Variants in AK9 observed in about 807,000 individuals in gnomAD.
The protein encoded by AK9 is adenylate kinase domain containing 1.
AK9 carries 191 observed loss-of-function variants against 239.6 expected under a neutral mutation model. The ratio of observed to expected loss-of-function variants is 0.80; its 90% confidence interval spans 0.71 to 0.90. The LOEUF is 0.90. AK9 is among the 40% of genes least tolerant of loss of function. The probability of loss-of-function intolerance (pLI) is 0.00; values close to 1 mark genes in which losing one functional copy is unlikely to be tolerated. For missense variants in AK9, 1,995 were observed against 2,214.7 expected, an observed-to-expected ratio of 0.90 and a Z score of 1.99; for synonymous variants, 689 against 721.0, an observed-to-expected ratio of 0.96 and a Z score of 0.71.
chr6:109,672,336 A>G (rs1771045195), intron 3 of AK9, among the ~76,000 whole-genome samples, 169 bp from the exon 4 acceptor site: 1 of 152,224 alleles, frequency 6.6e-6, no homozygotes, highest in South Asian at 2.1e-4. Context: ...ACCAAAGCAG[A>G]AGCAGCAGAA....
At chr6:109,675,485 G>A (rs1259554891) in intron 2 of AK9, 144 bp downstream of exon 2, 21 of 538,518 alleles carry the variant, frequency 3.9e-5, no homozygotes, top group Admixed American at 3.5e-4. Flanking sequence ...CCAATATTAT[G>A]GCAGATTTTA....
rs772604537 is a variant in AK9 at position 109,659,314 on chromosome 6, C to G, written c.544G>C (p.Glu182Gln). ...TCTTTCTTCTTTTTCCTATGATTCT[C>G]AATGACTTCAGGATCCCACTGGTCT... ...SRDQWDPEVI[E>Q]NHRKKKKEAQ... is the part of the protein sequence containing the mutation. Residue 182 changes from glutamate to glutamine, a missense_variant, in exon 7 of 41, where the codon GAG becomes CAG. Coordinates refer to ENST00000424296, the MANE Select transcript of AK9 (RefSeq NM_001145128.3). The G allele has an allele frequency of 2.5e-6, 4 of 1,607,622 alleles. No individual in the cohort carries two copies.
intron 31 of AK9, among the ~76,000 whole-genome samples, chr6:109,515,495 A>G (rs539008727): frequency 3.3e-5 from 5 of 152,176 alleles, no homozygotes; most frequent in Non-Finnish European, 7.4e-5. Context: ...GGTGTGAAAC[A>G]GTATGGCAAT....
intron 29 of AK9, 73 bp from the exon 30 acceptor site, chr6:109,516,715 G>A: frequency 2.3e-6 from 3 of 1,295,212 alleles, no homozygotes; most frequent in Non-Finnish European, 3.2e-6. Context: ...CAAATCATCT[G>A]GAATATTTTG....
rs1407597716 is a variant in AK9 at position 109,622,163 on chromosome 6, T to TA, written c.1255-2928_1255-2927insT. On this transcript the variant is annotated intron_variant, in intron 12 of 40. Coordinates refer to ENST00000424296, the MANE Select transcript of AK9 (RefSeq NM_001145128.3). ...TATTTTATACATTATATAATATACA[T>TA]TTTTATATATTTTATACATTATATA... Among the ~76,000 whole-genome samples the TA allele has an allele frequency of 9.6e-5, 14 of 146,008 alleles. No homozygotes were observed. The South Asian group carries it at 3.0e-3, about 31-fold the overall frequency.
chr6:109,514,420 T>C lies in AK9; in HGVS notation c.4083A>G (p.Thr1361=). The C allele has an allele frequency of 1.3e-6, 2 of 1,547,228 alleles. No homozygotes were observed. Among genetic ancestry groups the C allele is most frequent in the Non-Finnish European group, 8.7e-7 (1 of 1,145,750 alleles). ...WDPVKLSEGE[T]IKPVENAENP... The stretch of plus-strand genomic sequence containing the variant: ...TCTCTGCATTTTCAACTGGCTTGAT[T>C]GTCTCTCCTTCACTTAGCTGCAACA... Residue 1361 remains threonine (T), a synonymous_variant, in exon 32 of 41, where the codon ACA becomes ACG. Coordinates refer to ENST00000424296, the MANE Select transcript of AK9 (RefSeq NM_001145128.3).
chr6:109,684,823 G>A (rs182111839), intron 1 of AK9, among the ~76,000 whole-genome samples: 5 of 115,198 alleles, frequency 4.3e-5, no homozygotes, highest in South Asian at 3.0e-4. Context: ...GCAGTGAGCC[G>A]AGATCCCGCC....
chr6:109,520,261 C>T (rs1259751062), intron 29 of AK9, among the ~76,000 whole-genome samples: 1 of 152,110 alleles, frequency 6.6e-6, no homozygotes, highest in Admixed American at 6.6e-5. Context: ...CTCACATTTA[C>T]ATCTTTAATT....
At chr6:109,536,513 TG>T (rs1782014159) in intron 27 of AK9, among the ~76,000 whole-genome samples, 1 of 152,208 alleles carries the variant, frequency 6.6e-6, no homozygotes, top group Non-Finnish European at 1.5e-5. Flanking sequence ...GCTGAGATGA[TG>T]GGGTTTTCTA....
At chr6:109,551,444 G>A (rs919190825) in intron 24 of AK9, among the ~76,000 whole-genome samples, 1 of 150,934 alleles carries the variant, frequency 6.6e-6, no homozygotes, top group African/African-American at 2.4e-5. Flanking sequence ...ACTTGAGTCC[G>A]AGAGGTGGAG....
intron 8 of AK9, among the ~76,000 whole-genome samples, chr6:109,649,467 G>C (rs1232342418): frequency 1.3e-5 from 2 of 152,200 alleles, no homozygotes; most frequent in East Asian, 1.9e-4. Flanking sequence ...CAAATCATGA[G>C]TGAACTCCCA....
At chr6:109,650,982 C>CA (rs1490186100) in intron 8 of AK9, among the ~76,000 whole-genome samples, 2 of 151,398 alleles carry the variant, frequency 1.3e-5, no homozygotes, top group African/African-American at 2.4e-5. Flanking sequence ...ATCGCAAGGA[C>CA]AAAAAACCAA....
chr6:109,603,418 A>G (rs898894052), intron 17 of AK9, among the ~76,000 whole-genome samples: 7 of 152,090 alleles, frequency 4.6e-5, no homozygotes, highest in Non-Finnish European at 1.0e-4. Flanking sequence ...TTGCTGCCTG[A>G]TTGTTCCTCT....
intron 27 of AK9, among the ~76,000 whole-genome samples, chr6:109,535,892 G>T (rs1300256363): frequency 6.6e-6 from 1 of 152,102 alleles, no homozygotes; most frequent in Non-Finnish European, 1.5e-5. Context: ...TTTTTGTCAG[G>T]TTTTTCAAAG....
rs1270481448 is a variant in AK9 at position 109,516,611 on chromosome 6, T to C, written c.3665A>G (p.Glu1222Gly). Residue 1222 changes from glutamate to glycine, a missense_variant, in exon 30 of 41, where the codon GAG becomes GGG. Around this residue, in one of 5 missense-constraint regions of AK9, gnomAD observed 1,290 missense variants for 1,392.7 expected, o/e 0.93. Transcript: ENST00000424296. ...ATCATTGTCTTCTTCAAGTTCTTCC[T>C]CACTAATCTCTTCATCATCTCTAAC... ...NVVRDDEEIS[E>G]EELEEDNDDI... The C allele has an allele frequency of 6.5e-7, 1 of 1,550,302 alleles. No individual in the cohort carries two copies. Among genetic ancestry groups the C allele is most frequent in the Non-Finnish European group, 8.7e-7 (1 of 1,146,806 alleles).
chr6:109,513,633 C>A (rs975038325), intron 32 of AK9, among the ~76,000 whole-genome samples: 16 of 152,174 alleles, frequency 1.1e-4, no homozygotes, highest in African/African-American at 3.9e-4. Context: ...GTCATTCTCA[C>A]AGGATTAACA....
At chr6:109,609,562 T>G (rs1238427634) in intron 17 of AK9, among the ~76,000 whole-genome samples, 1 of 152,156 alleles carries the variant, frequency 6.6e-6, no homozygotes, top group Non-Finnish European at 1.5e-5. Flanking sequence ...CAGAAAACTT[T>G]GAAAAGTCTG....
chr6:109,495,284 G>T, intron 39 of AK9, 54 bp downstream of exon 39: 1 of 1,358,502 alleles, frequency 7.4e-7, no homozygotes, highest in Non-Finnish European at 1.0e-6. Context: ...GTGTTAAAAA[G>T]AAGAAGTCAT....
intron 31 of AK9, among the ~76,000 whole-genome samples, chr6:109,514,898 G>GA (rs1043718278): frequency 6.6e-6 from 1 of 152,158 alleles, no homozygotes; most frequent in Non-Finnish European, 1.5e-5. Context: ...AATAAAGGAG[G>GA]AAATTAAGGT....
Sources: gnomAD v4.1 joint callset for allele counts (sites outside exome capture counted in the v4.1 genomes callset) on GRCh38, gnomAD v4.1.1 for gene constraint, gnomAD v4.1.1 regional missense constraint, MANE v1.5 for transcripts, NCBI Gene and HGNC (gene_info 2026-07-23, HGNC 2026-07-21) for gene names.